The following ESS2 variants were observed in gnomAD, a reference collection of about 807,000 sequenced individuals.
The protein encoded by ESS2 is ess-2 spliceosome associated protein.
A neutral mutation model predicts 52.0 loss-of-function variants in ESS2; 31 were observed. The observed-to-expected ratio is 0.60, with a 90% CI of 0.45 to 0.81. ESS2 has a LOEUF of 0.81. Among genes scored for constraint, ESS2 ranks in the 30% least tolerant of loss-of-function variants. ESS2 has a pLI of 0.00. For missense variants in ESS2, 602 were observed against 637.2 expected, an observed-to-expected ratio of 0.94 and a Z score of 0.59; for synonymous variants, 285 against 259.2, an observed-to-expected ratio of 1.10 and a Z score of -0.95.
chr22:19,137,219 G>T, intron 8 of ESS2, 104 bp downstream of exon 8: 1 of 794,940 alleles, frequency 1.3e-6, no homozygotes, highest in Non-Finnish European at 2.0e-6. Context: ...CTGCCCGTCA[G>T]CAGCTGGGGG....
At chr22:19,140,137 C>G in intron 3 of ESS2, 113 bp from the exon 4 acceptor site, 1 of 1,323,204 alleles carries the variant, frequency 7.6e-7, no homozygotes, top group Non-Finnish European at 1.0e-6. Flanking sequence ...ATCCTCTCCC[C>G]TGGTCCTGGC....
rs373594154 is a variant in ESS2 at position 19,139,827 on chromosome 22, T to C, written c.570+28A>G. Reference sequence around the variant, plus strand: ...AACCACCACAGAGGGTGCCTACGCCTATGTGACACCCCAGACCCCAGAGAC... The same window carrying C: ...AACCACCACAGAGGGTGCCTACGCCCATGTGACACCCCAGACCCCAGAGAC... On this transcript the variant is annotated intron_variant, in intron 4 of 9. Transcript: ENST00000252137. 58 of 1,613,810 alleles carry C rather than the reference T, an allele frequency of 3.6e-5. No homozygotes were observed. The African/African-American group carries it at 7.3e-4, about 20-fold the overall frequency.
chr22:19,139,244 T>G lies in ESS2; in HGVS notation c.737A>C (p.His246Pro), dbSNP rs766791880. ...GTCCCTAAGGAAGCGCGTGTTCTTA[T>G]GTACCACCTGCCGGGGCTTCTTAAA... ...QLFKKPRQVV[H>P]KNTRFLRDPF... The change falls in exon 6 of 10, where the codon CAT becomes CCT. Residue 246 changes from histidine (H) to proline (P), a missense_variant. Coordinates refer to ENST00000252137, the MANE Select transcript of ESS2 (RefSeq NM_022719.3). The G allele has an allele frequency of 2.2e-5, 36 of 1,607,976 alleles. No individual in the cohort carries two copies. In the East Asian group the frequency reaches 5.1e-4, roughly 23 times the overall value.
At chr22:19,136,031 T>TAAAAAAAAAAAAAAAAAAAAAAAAAA (rs377121962) in intron 8 of ESS2, among the ~76,000 whole-genome samples, 3 of 92,540 alleles carry the variant, frequency 3.2e-5, no homozygotes, top group Admixed American at 1.3e-4. Context: ...CCCTATCTGT[T>TAAAAAAAAAAAAAAAAAAAAAAAAAA]AAAAAAAAAA....
chr22:19,137,583 C>G, intron 7 of ESS2, 151 bp from the exon 8 acceptor site: 1 of 944,076 alleles, frequency 1.1e-6, no homozygotes, highest in Non-Finnish European at 1.5e-6. Context: ...GGAACCCTGG[C>G]ACCTCCATCC....
chr22:19,134,303 G>C lies in ESS2; in HGVS notation c.1324C>G (p.Pro442Ala), dbSNP rs2083542096. Residue 442 changes from proline (P) to alanine (A), a missense_variant, in exon 10 of 10, where the codon CCG becomes GCG. Pro to Ala is a conservative substitution (Grantham distance 27). Transcript: ENST00000252137. The part of the protein sequence containing the change: ...ASGLQTPTST[P>A]APGSATRTPL... ...GTGCGTGTGGCAGAGCCAGGCGCCGGTGTGCTTGTGGGGGTCTGCAGCCCA... is the reference window on the plus strand; with the variant it reads ...GTGCGTGTGGCAGAGCCAGGCGCCGCTGTGCTTGTGGGGGTCTGCAGCCCA... 6.2e-7 allele frequency: 1 copy of C among 1,605,078 alleles called. No homozygotes were observed. The highest frequency in any genetic ancestry group is 1.3e-5 in the African/African-American group (1 of 74,616).
chr22:19,131,448 A>G lies in ESS2; in HGVS notation c.*2748T>C. Reference sequence around the variant, plus strand: ...GAAGAAGGGTTACATCGTAGGCATCAATCTTGGCAAGGGTTCCTACGCAAA... The same window carrying G: ...GAAGAAGGGTTACATCGTAGGCATCGATCTTGGCAAGGGTTCCTACGCAAA... On this transcript the variant is annotated 3_prime_UTR_variant, in exon 10 of 10. Transcript: ENST00000252137. This position sits in a 1 kb window ranked among gnomAD's most constrained non-coding sequence, Gnocchi z 5.7. 1 of 1,613,994 alleles carries G rather than the reference A, an allele frequency of 6.2e-7. No homozygotes were observed. The highest frequency in any genetic ancestry group is 8.5e-7 in the Non-Finnish European group (1 of 1,179,934).
Position 19,132,019 on chromosome 22 carries a change from ACAT to A in ESS2, c.*2174_*2176del. 6.2e-7 allele frequency: 1 copy of A among 1,614,024 alleles called. No individual in the cohort carries two copies. Among genetic ancestry groups the A allele is most frequent in the Non-Finnish European group, 8.5e-7 (1 of 1,179,960 alleles). On this transcript the variant is annotated 3_prime_UTR_variant, in exon 10 of 10. Transcript: ENST00000252137. This position sits in a 1 kb window ranked among gnomAD's most constrained non-coding sequence, Gnocchi z 4.2. ...ATCTGGAGCCTGGGCGTGATCCTGT[ACAT>A]CATGGTCTGCGGCTCCATGCCCTAT...
intron 8 of ESS2, among the ~76,000 whole-genome samples, chr22:19,136,281 GAACCCAAAAATCAAACTAAATATTC>G (rs1366497188): frequency 1.4e-5 from 2 of 137,944 alleles, no homozygotes; most frequent in Non-Finnish European, 3.0e-5. Context: ...AGAATCACTT[GAACCCAAAAATCAAACTAAATATTC>G]GCCACTATTT....
intron 3 of ESS2, 29 bp downstream of exon 3, chr22:19,142,509 T>G: frequency 6.4e-7 from 1 of 1,568,100 alleles, no homozygotes; most frequent in Non-Finnish European, 8.6e-7. Context: ...ATCCTGACCA[T>G]GTGACTTAAA....
chr22:19,142,700 C>T, intron 2 of ESS2, 26 bp downstream of exon 2: 3 of 1,610,596 alleles, frequency 1.9e-6, no homozygotes, highest in Non-Finnish European at 1.7e-6. Flanking sequence ...GCTTTCCCCT[C>T]TCCGCCACCC....
In ESS2 at chr22:19,139,875, C is replaced by T; in HGVS notation, c.550G>A (p.Ala184Thr). The T allele has an allele frequency of 1.2e-6, 2 of 1,614,162 alleles. No homozygotes were observed. The highest frequency in any genetic ancestry group is 1.7e-6 in the Non-Finnish European group (2 of 1,180,016). Residue 184 changes from alanine to threonine, a missense_variant, in exon 4 of 10, where the codon GCT (alanine) becomes ACT (threonine). Physicochemically the swap from Ala to Thr is moderately conservative, Grantham distance 58. Transcript: ENST00000252137. ...SRARHAWLYQ[A>T]EEEFEKRQKD... ...GACACCTTCTCAAACTCTTCCTCAG[C>T]CTGGTAGAGCCAAGCGTGGCGTGCC...
chr22:19,131,856 T>C lies in ESS2; in HGVS notation c.*2340A>G. Reference sequence around the variant, plus strand: ...CGACAAGGACTTCAACATCAAGCTGTCTGACTTTGGCTTCTCCAAGCGCTG... The same window carrying C: ...CGACAAGGACTTCAACATCAAGCTGCCTGACTTTGGCTTCTCCAAGCGCTG... On this transcript the variant is annotated 3_prime_UTR_variant, in exon 10 of 10. Transcript: ENST00000252137. This position sits in a 1 kb window ranked among gnomAD's most constrained non-coding sequence, Gnocchi z 5.7. The C allele has an allele frequency of 6.2e-7, 1 of 1,614,096 alleles. No individual in the cohort carries two copies. Among genetic ancestry groups the C allele is most frequent in the Non-Finnish European group, 8.5e-7 (1 of 1,180,010 alleles).
At chr22:19,142,949 G>A in intron 1 of ESS2, 55 bp from the exon 2 acceptor site, 5 of 1,546,876 alleles carry the variant, frequency 3.2e-6, no homozygotes, top group South Asian at 2.4e-5. Context: ...GCTCACACCT[G>A]TAATCCCAAC....
At chr22:19,137,783 T>A in intron 7 of ESS2, 3 of 985,286 alleles carry the variant, frequency 3.0e-6, no homozygotes, top group Non-Finnish European at 3.6e-6. Flanking sequence ...CCCTGGCGTG[T>A]GACACAGCAC....
In ESS2 at chr22:19,134,447, T is replaced by G; in HGVS notation, c.1180A>C (p.Met394Leu). ...SLTPKGLSPA[M>L]SPALQRLVSR... The stretch of plus-strand genomic sequence containing the variant: ...ACAAGGCGCTGTAGGGCTGGCGACA[T>G]GGCTGGGCTCAGGCCTTTGGGGGTG... Residue 394 changes from methionine (M) to leucine (L), a missense_variant, in exon 10 of 10, where the codon ATG becomes CTG. Met to Leu is a conservative substitution (Grantham distance 15). Coordinates refer to ENST00000252137, the MANE Select transcript of ESS2 (RefSeq NM_022719.3). The G allele has an allele frequency of 6.3e-7, 1 of 1,585,234 alleles. No homozygotes were observed. The highest frequency in any genetic ancestry group is 8.6e-7 in the Non-Finnish European group (1 of 1,163,420).
intron 3 of ESS2, among the ~76,000 whole-genome samples, chr22:19,141,427 C>T (rs2083684251): frequency 2.0e-5 from 3 of 152,322 alleles, no homozygotes; most frequent in South Asian, 2.1e-4. Flanking sequence ...GCGTGCAGAA[C>T]ACTTGCATTC....
At chr22:19,144,295 C>A in intron 1 of ESS2, 1 of 1,333,064 alleles carries the variant, frequency 7.5e-7, no homozygotes, top group Non-Finnish European at 9.6e-7. Context: ...CAAAGAGAGC[C>A]GCTCTCTCTT....
At chr22:19,138,551 C>T in intron 6 of ESS2, 2 of 639,784 alleles carry the variant, frequency 3.1e-6, no homozygotes, top group South Asian at 1.8e-5. Context: ...CCCCCTCCTC[C>T]CATCCAGGGA....
Sources: gnomAD v4.1 joint callset for allele counts (sites outside exome capture counted in the v4.1 genomes callset) on GRCh38, gnomAD v4.1.1 for gene constraint, Gnocchi (gnomAD v3.1) non-coding constraint, MANE v1.5 for transcripts, NCBI Gene and HGNC (gene_info 2026-07-23, HGNC 2026-07-21) for gene names.